Variants in OXR1 observed in about 807,000 individuals in gnomAD.
OXR1 encodes oxidation resistance 1, also known as oxidation resistance protein 1.
Under a neutral mutation model 104.6 loss-of-function variants are expected in OXR1, and 41 were observed. The ratio of observed to expected loss-of-function variants is 0.39; its 90% CI spans 0.31 to 0.51. The LOEUF (loss-of-function observed/expected upper bound fraction) is 0.51, where lower values mean the gene tolerates loss of function less well. Among genes scored for constraint, OXR1 ranks in the 20% least tolerant of loss-of-function variants. The pLI, the probability that OXR1 is intolerant of heterozygous loss-of-function variation, is 0.77. For synonymous variants in OXR1, 348 were observed against 348.4 expected (o/e 1.00, Z 0.01); for missense variants, 955 against 1,031.9 (o/e 0.93, Z 1.02).
intron 2 of OXR1, among the ~76,000 whole-genome samples, chr8:106,367,134 C>T (rs1256186387): frequency 1.3e-5 from 2 of 149,540 alleles, no homozygotes; most frequent in African/African-American, 2.5e-5. Context: ...GCGATCTCGG[C>T]TCACTGCATC....
At chr8:106,625,595 A>G (rs1822081678) in intron 3 of OXR1, among the ~76,000 whole-genome samples, 1 of 152,164 alleles carries the variant, frequency 6.6e-6, no homozygotes. Context: ...TCACTGTCAG[A>G]TTTAAGTTTT....
chr8:106,630,421 A>G (rs1282387767), intron 3 of OXR1, among the ~76,000 whole-genome samples: 1 of 152,192 alleles, frequency 6.6e-6, no homozygotes, highest in Non-Finnish European at 1.5e-5. Context: ...CGTGTCTAAG[A>G]CACTTGGCCA....
intron 2 of OXR1, among the ~76,000 whole-genome samples, chr8:106,514,035 T>A (rs1382601952): frequency 1.3e-5 from 2 of 152,124 alleles, no homozygotes; most frequent in Admixed American, 1.3e-4. Flanking sequence ...CCAAGAGAGA[T>A]GTCTTCTTTT....
chr8:106,694,632 AAT>A (rs1331256145), intron 7 of OXR1, among the ~76,000 whole-genome samples: 2 of 107,572 alleles, frequency 1.9e-5, no homozygotes, highest in Admixed American at 1.2e-4. Context: ...TTGATATATA[AAT>A]ATATGTTTAT....
intron 1 of OXR1, among the ~76,000 whole-genome samples, chr8:106,357,857 A>C (rs1197619940): frequency 6.6e-6 from 1 of 152,048 alleles, no homozygotes; most frequent in East Asian, 1.9e-4. Context: ...AAACCACAAA[A>C]CTTTGGGGGT....
intron 2 of OXR1, among the ~76,000 whole-genome samples, chr8:106,415,894 T>G (rs72678574): frequency 6.6e-6 from 1 of 152,290 alleles, no homozygotes; most frequent in Non-Finnish European, 1.5e-5. Flanking sequence ...TCATAGTATA[T>G]TTTCAAATAT....
chr8:106,323,136 T>A (rs894955415), intron 1 of OXR1, among the ~76,000 whole-genome samples: 7 of 152,162 alleles, frequency 4.6e-5, no homozygotes, highest in Non-Finnish European at 7.4e-5. Flanking sequence ...GACTTCAGAC[T>A]ATACTACAAG....
At chr8:106,581,218 A>G (rs747190845) in intron 3 of OXR1, 1 of 1,288,042 alleles carries the variant, frequency 7.8e-7, no homozygotes, top group South Asian at 1.2e-5. Context: ...GCTGAATTCC[A>G]AGGAAATATG....
intron 2 of OXR1, among the ~76,000 whole-genome samples, chr8:106,395,184 A>C (rs947391043): frequency 6.6e-6 from 1 of 152,156 alleles, no homozygotes; most frequent in East Asian, 1.9e-4. Flanking sequence ...ATTTATCACT[A>C]TCAGATAAAA....
At chr8:106,618,178 G>T (rs373530569) in intron 3 of OXR1, 9 of 1,535,630 alleles carry the variant, frequency 5.9e-6, no homozygotes, top group Middle Eastern at 1.7e-4. Flanking sequence ...TTCTGCCAGC[G>T]CAAAGGTATG....
At chr8:106,278,880 T>C (rs2130487243) in intron 1 of OXR1, among the ~76,000 whole-genome samples, 1 of 152,320 alleles carries the variant, frequency 6.6e-6, no homozygotes, top group East Asian at 1.9e-4. Context: ...AGTTAGTAGC[T>C]TTCAGGCTAC....
chr8:106,378,086 T>C (rs770258484), intron 2 of OXR1, among the ~76,000 whole-genome samples: 3 of 152,232 alleles, frequency 2.0e-5, no homozygotes, highest in Non-Finnish European at 4.4e-5. Flanking sequence ...ATATTAAGAA[T>C]CAACTTGTTA....
chr8:106,638,011 C>T (rs371091541), intron 3 of OXR1, among the ~76,000 whole-genome samples: 3 of 152,060 alleles, frequency 2.0e-5, no homozygotes, highest in African/African-American at 4.8e-5. Flanking sequence ...GTGATCCACC[C>T]GCCTCGGCCT....
At chr8:106,277,842 A>G (rs961792698) in intron 1 of OXR1, among the ~76,000 whole-genome samples, 3 of 152,206 alleles carry the variant, frequency 2.0e-5, no homozygotes, top group Non-Finnish European at 2.9e-5. Context: ...GTTCCTAGAA[A>G]TTCCAGCAAA....
At chr8:106,705,259 C>G (rs1831034463) in intron 8 of OXR1, among the ~76,000 whole-genome samples, 1 of 152,100 alleles carries the variant, frequency 6.6e-6, no homozygotes, top group Non-Finnish European at 1.5e-5. Context: ...CAGTAGATGA[C>G]ACTATTGTAT....
At chr8:106,685,758 C>G (rs926080227) in intron 6 of OXR1, among the ~76,000 whole-genome samples, 1 of 151,240 alleles carries the variant, frequency 6.6e-6, no homozygotes, top group Non-Finnish European at 1.5e-5. Flanking sequence ...ACCATTTGAT[C>G]CAGCAATCTC....
At chr8:106,513,059 G>T (rs1586742743) in intron 2 of OXR1, among the ~76,000 whole-genome samples, 1 of 152,108 alleles carries the variant, frequency 6.6e-6, no homozygotes, top group South Asian at 2.1e-4. Context: ...TTTAGAAAAT[G>T]AGTGTAAGAT....
At chr8:106,748,713 C>T (rs1462287094) in intron 16 of OXR1, among the ~76,000 whole-genome samples, 3 of 151,758 alleles carry the variant, frequency 2.0e-5, no homozygotes, top group Non-Finnish European at 2.9e-5. Flanking sequence ...GAATTACAGG[C>T]GCCCACCACC....
chr8:106,536,242 GAAA>G (rs1814531470), intron 3 of OXR1, among the ~76,000 whole-genome samples: 3 of 151,274 alleles, frequency 2.0e-5, no homozygotes, highest in African/African-American at 7.3e-5. Context: ...AAGAAAGAAA[GAAA>G]GAAAGAAAGA....
Sources: allele counts gnomAD v4.1 joint callset (sites outside exome capture counted in the v4.1 genomes callset), GRCh38; gene constraint gnomAD v4.1.1; transcripts MANE v1.5; gene names NCBI Gene and HGNC (gene_info 2026-07-23, HGNC 2026-07-21).